Variants in KLF15 observed in about 807,000 individuals in gnomAD.
The protein encoded by KLF15 is KLF transcription factor 15.
A neutral mutation model predicts 24.6 loss-of-function variants in KLF15; 4 were observed. The ratio of observed to expected loss-of-function variants is 0.16; its 90% confidence interval spans 0.08 to 0.37. KLF15 has a LOEUF of 0.37. Ranked by LOEUF, KLF15 falls within the 10% of genes least tolerant of loss-of-function variation. KLF15 has a pLI of 1.00. For synonymous variants in KLF15, 246 were observed against 236.3 expected (o/e 1.04, Z -0.37); for missense variants, 496 against 560.6 (o/e 0.88, Z 1.16).
chr3:126,323,460 TAA>T, the KLF15 span, among the ~76,000 whole-genome samples: 1 of 96,974 alleles, frequency 1.0e-5, no homozygotes, highest in African/African-American at 5.0e-5. Flanking sequence ...TATATATATA[TAA>T]CATATATATG....
At chr3:126,357,213 C>A (rs1245186226) in intron 1 of KLF15, 24 bp downstream of exon 1, 2 of 149,512 alleles carry the variant, frequency 1.3e-5, no homozygotes, top group Non-Finnish European at 3.0e-5. Flanking sequence ...ACGCGGCCGG[C>A]CGGCCCCGCC....
At chr3:126,318,354 G>T in the KLF15 span, among the ~76,000 whole-genome samples, 1 of 152,126 alleles carries the variant, frequency 6.6e-6, no homozygotes, top group African/African-American at 2.4e-5. Context: ...CTGGGGGTAG[G>T]AGATTAAAAT....
At chr3:126,309,293 C>T in the KLF15 span, among the ~76,000 whole-genome samples, 3 of 152,224 alleles carry the variant, frequency 2.0e-5, no homozygotes, top group Non-Finnish European at 2.9e-5. Context: ...GCGCTCTGGC[C>T]GGCGAAGCCA....
downstream of KLF15, among the ~76,000 whole-genome samples, chr3:126,340,353 T>C (rs933167451): frequency 6.6e-6 from 1 of 152,182 alleles, no homozygotes; most frequent in Non-Finnish European, 1.5e-5. Flanking sequence ...GGCAGAAACA[T>C]GGCCCCTTGC....
downstream of KLF15, among the ~76,000 whole-genome samples, chr3:126,338,641 C>T (rs1220361269): frequency 2.0e-5 from 3 of 152,194 alleles, no homozygotes; most frequent in East Asian, 3.8e-4. Context: ...ACTTTCACAT[C>T]GCAAATTTCT....
At chr3:126,326,873 G>T in the KLF15 span, among the ~76,000 whole-genome samples, 1 of 152,024 alleles carries the variant, frequency 6.6e-6, no homozygotes, top group African/African-American at 2.4e-5. Context: ...ACTTATAGTT[G>T]ATTTAACTAT....
At chr3:126,340,912 G>A (rs954503089), downstream of KLF15, among the ~76,000 whole-genome samples, 2 of 152,284 alleles carry the variant, frequency 1.3e-5, no homozygotes, top group South Asian at 4.1e-4. Flanking sequence ...GGAACCTGGG[G>A]GTGCCACACA....
At chr3:126,316,453 AG>A in the KLF15 span, among the ~76,000 whole-genome samples, 3 of 136,924 alleles carry the variant, frequency 2.2e-5, no homozygotes, top group Non-Finnish European at 4.7e-5. Flanking sequence ...TGGGGAAGGG[AG>A]TCTATGGGCC....
chr3:126,313,519 G>T, the KLF15 span, among the ~76,000 whole-genome samples: 1 of 152,162 alleles, frequency 6.6e-6, no homozygotes, highest in African/African-American at 2.4e-5. Flanking sequence ...AATTTTGGGG[G>T]ACATGATTCA....
At chr3:126,291,348 G>C in the KLF15 span, 1 of 152,302 alleles carries the variant, frequency 6.6e-6, no homozygotes, top group African/African-American at 2.4e-5. Flanking sequence ...AAGAGGTCCA[G>C]CTGAGCAGGA....
chr3:126,341,579 C>T (rs1397782263), downstream of KLF15, among the ~76,000 whole-genome samples: 1 of 152,184 alleles, frequency 6.6e-6, no homozygotes, highest in African/African-American at 2.4e-5. Context: ...CCAGCCTCCT[C>T]CTCGGGACCA....
chr3:126,353,076 AT>A, intron 1 of KLF15, 129 bp from the exon 2 acceptor site: 1 of 1,086,402 alleles, frequency 9.2e-7, no homozygotes, highest in Non-Finnish European at 1.3e-6. Flanking sequence ...TCCTGCTTCC[AT>A]CCCCCAGGAG....
Position 126,343,746 on chromosome 3 carries a change from G to A in KLF15, c.1232C>T (p.Ser411Phe). 9 of 1,611,912 alleles carry A rather than the reference G, an allele frequency of 5.6e-6. No individual in the cohort carries two copies. The highest frequency in any genetic ancestry group is 7.6e-6 in the Non-Finnish European group (9 of 1,179,760). The change falls in exon 3 of 3, where the codon TCC becomes TTC. Residue 411 changes from serine to phenylalanine, a missense_variant. Around this residue, in one of 3 missense-constraint regions of KLF15, gnomAD observed 38 missense variants for 31.5 expected, o/e 1.21. Transcript: ENST00000296233. ...GCGCTTTCAGTTCACGGAGCGCACGGAGCGGCTGCTCCGCGGGAAGCGGTG... is the reference window on the plus strand; with the variant it reads ...GCGCTTTCAGTTCACGGAGCGCACGAAGCGGCTGCTCCGCGGGAAGCGGTG... Reference protein sequence around the residue: ...KVHRFPRSSRSVRSVN With the variant: ...KVHRFPRSSRFVRSVN
the KLF15 span, among the ~76,000 whole-genome samples, chr3:126,312,442 T>A: frequency 1.3e-5 from 2 of 152,186 alleles, no homozygotes; most frequent in Admixed American, 1.3e-4. Flanking sequence ...TCCAAAGCGC[T>A]GGGACTACAA....
rs762515913 is a variant in KLF15, at chr3:126,352,121, G to T, written c.802C>A (p.Pro268Thr). 1.3e-6 allele frequency: 2 copies of T among 1,558,068 alleles called. No individual in the cohort carries two copies. Among genetic ancestry groups the T allele is most frequent in the African/African-American group, 1.4e-5 (1 of 73,886 alleles). Reference protein sequence around the residue: ...QTFALVPQVVPSSNLNLPSKF... With the variant: ...QTFALVPQVVTSSNLNLPSKF... ...GAGGGCAGGTTCAAGTTGGAGGAGGGTACCACCTGGGGCACGAGTGCGAAG... is the reference window on the plus strand; with the variant it reads ...GAGGGCAGGTTCAAGTTGGAGGAGGTTACCACCTGGGGCACGAGTGCGAAG... The change falls in exon 2 of 3, where the codon CCC becomes ACC. Residue 268 changes from proline to threonine, a missense_variant. Pro to Thr is a conservative substitution (Grantham distance 38). This residue lies in a region of KLF15 where 399 missense variants were observed against 423.1 expected (regional missense o/e 0.94). Coordinates refer to ENST00000296233, the MANE Select transcript of KLF15 (RefSeq NM_014079.4).
chr3:126,330,174 C>T, the KLF15 span, among the ~76,000 whole-genome samples: 1 of 152,210 alleles, frequency 6.6e-6, no homozygotes, highest in Non-Finnish European at 1.5e-5. Context: ...AGCAGAGCCC[C>T]AGCCAGCCCA....
chr3:126,298,478 A>G, the KLF15 span, among the ~76,000 whole-genome samples: 225 of 151,284 alleles, frequency 1.5e-3, no homozygotes, highest in African/African-American at 5.0e-3. Flanking sequence ...GCTCCATTAT[A>G]TCTCATTTAT....
At chr3:126,304,806 G>A in the KLF15 span, among the ~76,000 whole-genome samples, 2 of 152,220 alleles carry the variant, frequency 1.3e-5, no homozygotes, top group African/African-American at 2.4e-5. Flanking sequence ...GAAATTCACC[G>A]AGTATGAGCT....
chr3:126,352,717 C>T lies in KLF15; in HGVS notation c.206G>A (p.Gly69Asp). The change falls in exon 2 of 3, where the codon GGC becomes GAC. Residue 69 changes from glycine to aspartate, a missense_variant. Coordinates refer to ENST00000296233, the MANE Select transcript of KLF15 (RefSeq NM_014079.4). Reference sequence around the variant, plus strand: ...CAAGATGCTGTCCTGGCTCTCGGTGCCCAGGCCTCCACCATAGCAGGAGCA... The same window carrying T: ...CAAGATGCTGTCCTGGCTCTCGGTGTCCAGGCCTCCACCATAGCAGGAGCA... ...ALCSCYGGGL[G>D]TESQDSILDF... The T allele has an allele frequency of 1.3e-6, 2 of 1,577,654 alleles. No individual in the cohort carries two copies. Among genetic ancestry groups the T allele is most frequent in the Non-Finnish European group, 1.7e-6 (2 of 1,161,790 alleles).
Sources: gnomAD v4.1 joint callset for allele counts (sites outside exome capture counted in the v4.1 genomes callset) on GRCh38, gnomAD v4.1.1 for gene constraint, gnomAD v4.1.1 regional missense constraint, MANE v1.5 for transcripts, NCBI Gene and HGNC (gene_info 2026-07-23, HGNC 2026-07-21) for gene names.